NAV2: variants seen among roughly 807,000 people sequenced by gnomAD.
The protein encoded by NAV2 is neuron navigator 2.
A neutral mutation model predicts 223.2 loss-of-function variants in NAV2; 54 were observed. The observed-to-expected ratio is 0.24, with a 90% confidence interval of 0.19 to 0.30. The LOEUF (loss-of-function observed/expected upper bound fraction) is 0.30, where lower values mean the gene tolerates loss of function less well. Ranked by LOEUF, NAV2 falls within the 10% of genes least tolerant of loss-of-function variation. NAV2 has a pLI of 1.00. For synonymous variants in NAV2, 1,279 were observed against 1,239.3 expected, an observed-to-expected ratio of 1.03 and a Z score of -0.67; for missense variants, 2,806 against 3,147.5, an observed-to-expected ratio of 0.89 and a Z score of 2.60.
At chr11:19,793,487 C>G (rs2057684509) in intron 1 of NAV2, among the ~76,000 whole-genome samples, 1 of 152,122 alleles carries the variant, frequency 6.6e-6, no homozygotes, top group South Asian at 2.1e-4. Flanking sequence ...CAAAGCATGC[C>G]CAGCACTAGC....
In NAV2 at chr11:20,054,243, G is replaced by C; in HGVS notation, c.4642+3G>C. On this transcript the variant is annotated splice_donor_region_variant and intron_variant, in intron 18 of 37. Coordinates refer to ENST00000349880, the MANE Select transcript of NAV2 (RefSeq NM_145117.5). ...AAGATTCAACTTTTCCCAGCTTGGT[G>C]AGTAGCCACTTGTCATTACCTATGT... 1 of 1,607,944 alleles carries C rather than the reference G, an allele frequency of 6.2e-7. No homozygotes were observed. The highest frequency in any genetic ancestry group is 8.5e-7 in the Non-Finnish European group (1 of 1,178,246).
chr11:19,526,290 GC>G (rs2043839969), intron 1 of NAV2, among the ~76,000 whole-genome samples: 1 of 152,118 alleles, frequency 6.6e-6, no homozygotes, highest in East Asian at 1.9e-4. Context: ...ACTCAAAGAG[GC>G]CCCACAATGT....
At chr11:19,545,189 C>T (rs1389091892) in intron 1 of NAV2, among the ~76,000 whole-genome samples, 2 of 152,212 alleles carry the variant, frequency 1.3e-5, no homozygotes, top group Non-Finnish European at 2.9e-5. Context: ...TGGGCGCTCA[C>T]AGGAGGGTCA....
chr11:19,470,745 A>G (rs1017650448), intron 1 of NAV2, among the ~76,000 whole-genome samples: 2 of 152,192 alleles, frequency 1.3e-5, no homozygotes, highest in African/African-American at 4.8e-5. Flanking sequence ...GGCAAAAGCA[A>G]TAATTGTTTC....
chr11:19,533,980 A>T (rs2044109736), intron 1 of NAV2, among the ~76,000 whole-genome samples: 1 of 132,288 alleles, frequency 7.6e-6, no homozygotes, highest in African/African-American at 4.4e-5. Flanking sequence ...TGCTGGGATT[A>T]CAGGCGTGAG....
chr11:20,023,206 G>C, intron 11 of NAV2: 10 of 1,327,800 alleles, frequency 7.5e-6, no homozygotes, highest in Non-Finnish European at 1.0e-5. Context: ...TTCCTTGGCC[G>C]GTATTGAAAA....
At chr11:19,784,934 C>T (rs775629303) in intron 1 of NAV2, among the ~76,000 whole-genome samples, 1 of 152,140 alleles carries the variant, frequency 6.6e-6, no homozygotes, top group Non-Finnish European at 1.5e-5. Flanking sequence ...TTTTTGATAT[C>T]TCTGTGCCTG....
chr11:19,949,011 A>G lies in NAV2; in HGVS notation c.2576A>G (p.Asp859Gly). The G allele has an allele frequency of 1.9e-6, 3 of 1,613,750 alleles. No individual in the cohort carries two copies. Among genetic ancestry groups the G allele is most frequent in the East Asian group, 2.2e-5 (1 of 44,822 alleles). The change falls in exon 10 of 38, where the codon GAT becomes GGT. Residue 859 changes from aspartate to glycine, a missense_variant. Coordinates refer to ENST00000349880, the MANE Select transcript of NAV2 (RefSeq NM_145117.5). ...ATGGACCTGGAAGGCATCAGCATGG[A>G]TGCCCCCGGCTACATGAGCGACGGG... ...DEMDLEGISM[D>G]APGYMSDGDV...
chr11:19,630,824 C>T (rs763607103), intron 1 of NAV2, among the ~76,000 whole-genome samples: 19 of 149,144 alleles, frequency 1.3e-4, no homozygotes, highest in Non-Finnish European at 2.4e-4. Flanking sequence ...TGCAGTGAGC[C>T]GAGATTTCAC....
intron 1 of NAV2, among the ~76,000 whole-genome samples, chr11:19,660,894 G>A (rs556808232): frequency 1.3e-5 from 2 of 152,102 alleles, no homozygotes; most frequent in Admixed American, 1.3e-4. Flanking sequence ...AGGGAAAGTG[G>A]GGCTTTTGTT....
chr11:19,493,224 C>G (rs958648275), intron 1 of NAV2, among the ~76,000 whole-genome samples: 1 of 151,694 alleles, frequency 6.6e-6, no homozygotes, highest in Admixed American at 6.6e-5. Context: ...TCCTTCTCCT[C>G]CAATAGAATA....
intron 6 of NAV2, among the ~76,000 whole-genome samples, chr11:19,904,877 T>C (rs1591167154): frequency 6.6e-6 from 1 of 152,140 alleles, no homozygotes. Flanking sequence ...CAATAGCCGG[T>C]AGGTTGGAAT....
chr11:19,484,318 C>G (rs2042374770), intron 1 of NAV2, among the ~76,000 whole-genome samples: 2 of 152,204 alleles, frequency 1.3e-5, no homozygotes, highest in Admixed American at 6.5e-5. Context: ...TCAATTGTTT[C>G]TTATACATCT....
At chr11:19,817,501 A>T (rs1398296824) in intron 1 of NAV2, among the ~76,000 whole-genome samples, 1 of 151,946 alleles carries the variant, frequency 6.6e-6, no homozygotes, top group Non-Finnish European at 1.5e-5. Flanking sequence ...GAACACCTGG[A>T]GCGGGGCTTT....
chr11:19,680,409 G>A (rs2048850862), intron 1 of NAV2, among the ~76,000 whole-genome samples: 1 of 151,772 alleles, frequency 6.6e-6, no homozygotes, highest in African/African-American at 2.4e-5. Context: ...ACTGTTTATT[G>A]TTTTTAAGGG....
chr11:19,781,552 A>T (rs1398052530), intron 1 of NAV2, among the ~76,000 whole-genome samples: 2 of 151,928 alleles, frequency 1.3e-5, no homozygotes, highest in Non-Finnish European at 2.9e-5. Flanking sequence ...CTGACCTTTG[A>T]CCTTTCCCCA....
chr11:19,529,672 CA>C (rs2043962136), intron 1 of NAV2, among the ~76,000 whole-genome samples: 1 of 152,182 alleles, frequency 6.6e-6, no homozygotes. Context: ...CACAGAGGTC[CA>C]GGGTTCCCCT....
intron 11 of NAV2, among the ~76,000 whole-genome samples, chr11:19,986,345 C>A (rs2050793644): frequency 6.6e-6 from 1 of 152,204 alleles, no homozygotes; most frequent in African/African-American, 2.4e-5. Flanking sequence ...TGAGTCCGGG[C>A]ATGGTGGCTC....
chr11:19,965,269 C>T (rs1030769840), intron 10 of NAV2, among the ~76,000 whole-genome samples: 2 of 152,172 alleles, frequency 1.3e-5, no homozygotes, highest in Non-Finnish European at 2.9e-5. Context: ...GACAGCCTGA[C>T]TTCAGAGCCT....
Sources: allele counts gnomAD v4.1 joint callset (sites outside exome capture counted in the v4.1 genomes callset), GRCh38; gene constraint gnomAD v4.1.1; transcripts MANE v1.5; gene names NCBI Gene and HGNC (gene_info 2026-07-23, HGNC 2026-07-21).